Variants in ASRGL1 observed in about 807,000 individuals in gnomAD.
ASRGL1 encodes isoaspartyl peptidase/L-asparaginase.
A neutral mutation model predicts 22.4 loss-of-function variants in ASRGL1; 16 were observed. The ratio of observed to expected loss-of-function variants is 0.71; its 90% CI spans 0.48 to 1.08. The LOEUF is 1.08. ASRGL1 is among the 50% of genes least tolerant of loss of function. ASRGL1 has a pLI of 0.00. For synonymous variants in ASRGL1, 165 were observed against 159.3 expected, an observed-to-expected ratio of 1.04 and a Z score of -0.27; for missense variants, 412 against 410.1, an observed-to-expected ratio of 1.00 and a Z score of -0.04.
chr11:62,356,424 G>T lies in ASRGL1; in HGVS notation c.290G>T (p.Cys97Phe), dbSNP rs567867048. The change falls in exon 3 of 7, where the codon TGT becomes TTT. Residue 97 changes from cysteine to phenylalanine, a missense_variant. By Grantham distance (205) the Cys-to-Phe change is radical. Coordinates refer to ENST00000415229, the MANE Select transcript of ASRGL1 (RefSeq NM_001083926.2). ...GCAGGAGCAGTGTCCGCAGTCCAGT[G>T]TATAGCAAATCCCATTAAACTTGCT... is the stretch of plus-strand genomic sequence containing the variant. ...LSAGAVSAVQCIANPIKLARL... is the reference protein window; with the variant it reads ...LSAGAVSAVQFIANPIKLARL... The T allele has an allele frequency of 6.2e-6, 10 of 1,614,236 alleles. No homozygotes were observed. The highest frequency in any genetic ancestry group is 8.5e-6 in the Non-Finnish European group (10 of 1,180,024).
intron 4 of ASRGL1, chr11:62,372,496 G>C: frequency 8.0e-7 from 1 of 1,245,882 alleles, no homozygotes; most frequent in Middle Eastern, 2.0e-4. Context: ...GAAGTTCATT[G>C]CCCGGGCACA....
chr11:62,372,811 T>A, intron 4 of ASRGL1: 1 of 1,595,062 alleles, frequency 6.3e-7, no homozygotes, highest in Non-Finnish European at 8.6e-7. Context: ...GTCAGTGAAG[T>A]GGGTGGTCTG....
At chr11:62,372,067 A>G (rs1946786763) in intron 4 of ASRGL1, 10 of 758,844 alleles carry the variant, frequency 1.3e-5, no homozygotes, top group Non-Finnish European at 2.4e-5. Flanking sequence ...GGGTGCGGAC[A>G]GTGGTCTCTG....
chr11:62,396,260 T>C (rs1396192249), downstream of ASRGL1, among the ~76,000 whole-genome samples: 1 of 131,050 alleles, frequency 7.6e-6, no homozygotes, highest in Non-Finnish European at 1.6e-5. Flanking sequence ...CAGTGGAGGT[T>C]GGGGGAGGTG....
At chr11:62,378,072 C>T (rs1358052623) in intron 4 of ASRGL1, among the ~76,000 whole-genome samples, 1 of 152,084 alleles carries the variant, frequency 6.6e-6, no homozygotes, top group African/African-American at 2.4e-5. Flanking sequence ...ACAAATTTGA[C>T]GTGACATAAG....
intron 2 of ASRGL1, among the ~76,000 whole-genome samples, chr11:62,354,392 G>GT (rs150028553): frequency 2.6e-5 from 4 of 151,232 alleles, no homozygotes; most frequent in African/African-American, 7.3e-5. Context: ...ATATCGGCTG[G>GT]TTTTTTTTTC....
chr11:62,341,559 A>G (rs1397481857), intron 2 of ASRGL1, among the ~76,000 whole-genome samples: 1 of 152,182 alleles, frequency 6.6e-6, no homozygotes, highest in Non-Finnish European at 1.5e-5. Flanking sequence ...AGAATCAATA[A>G]GGTAAAAATC....
At chr11:62,338,333 A>G (rs1463729967) in intron 2 of ASRGL1, 166 bp downstream of exon 2, 6 of 782,412 alleles carry the variant, frequency 7.7e-6, no homozygotes, top group Non-Finnish European at 1.1e-5. Flanking sequence ...AAAAGAGTCA[A>G]ACGCTAAAAT....
intron 4 of ASRGL1, chr11:62,372,629 C>T: frequency 1.1e-6 from 1 of 901,088 alleles, no homozygotes; most frequent in Non-Finnish European, 1.9e-6. Context: ...GCGCTAACCA[C>T]ATGCTGGTCC....
chr11:62,378,618 G>A (rs1425124517), intron 4 of ASRGL1, among the ~76,000 whole-genome samples: 3 of 152,158 alleles, frequency 2.0e-5, no homozygotes, highest in Non-Finnish European at 4.4e-5. Flanking sequence ...ACCCGGGTTG[G>A]AGAGGCCCCA....
chr11:62,359,750 C>A (rs1290815589), intron 4 of ASRGL1, among the ~76,000 whole-genome samples: 2 of 151,930 alleles, frequency 1.3e-5, no homozygotes, highest in African/African-American at 4.8e-5. Flanking sequence ...TGCTAACTCT[C>A]CGTGTTAGCA....
chr11:62,390,488 C>T (rs1947312260), intron 5 of ASRGL1, among the ~76,000 whole-genome samples: 1 of 152,200 alleles, frequency 6.6e-6, no homozygotes, highest in African/African-American at 2.4e-5. Flanking sequence ...ATGCCTGTGC[C>T]AGGACCACCC....
rs112764478 is a variant in ASRGL1, at chr11:62,360,811, C to T, written c.491+3667C>T. On this transcript the variant is annotated intron_variant, in intron 4 of 6. Coordinates refer to ENST00000415229, the MANE Select transcript of ASRGL1 (RefSeq NM_001083926.2). ...AGAATCACACACAATAAAACACACA[C>T]CCTGTTACAGGAATTGAGGGAAAGA... Among the ~76,000 whole-genome samples the T allele has an allele frequency of 1.0e-2, 1,517 of 152,238 alleles. 29 individuals carry two copies. Among genetic ancestry groups the T allele is most frequent in the African/African-American group, 0.032 (1,326 of 41,530 alleles).
At chr11:62,338,437 CAT>C in intron 2 of ASRGL1, 1 of 393,116 alleles carries the variant, frequency 2.5e-6, no homozygotes, top group Non-Finnish European at 4.5e-6. Flanking sequence ...TCTGGAGAGA[CAT>C]AAGATGTCAA....
chr11:62,399,621 G>A, the ASRGL1 span, among the ~76,000 whole-genome samples: 3,632 of 152,234 alleles, frequency 0.024, 54 homozygotes, highest in Non-Finnish European at 0.038. Context: ...TGCCTGCAGC[G>A]GGCTCAGATG....
chr11:62,382,669 G>GGCTGGGGGACAGTGTCGGGCTGGGGGAC (rs1565173003), intron 4 of ASRGL1: 3 of 151,258 alleles, frequency 2.0e-5, no homozygotes, highest in Non-Finnish European at 2.9e-5. Context: ...GTGGGGTGTC[G>GGCTGGGGGACAGTGTCGGGCTGGGGGAC]GGCTGGGGGA....
rs373150881 is a variant in ASRGL1, at chr11:62,392,288, G to A, written c.*4G>A. ...TACTATCACCGACCTTCCCTAAGCC[G>A]CTGGAAGATTGTATTCCAGATGCTA... On this transcript the variant is annotated 3_prime_UTR_variant, in exon 7 of 7. Transcript: ENST00000415229. 135 of 1,613,084 alleles carry A rather than the reference G, an allele frequency of 8.4e-5. No individual in the cohort carries two copies. In the African/African-American group the frequency reaches 1.4e-3, roughly 16 times the overall value.
At chr11:62,364,339 A>G (rs2134636150) in intron 4 of ASRGL1, among the ~76,000 whole-genome samples, 1 of 152,272 alleles carries the variant, frequency 6.6e-6, no homozygotes, top group Non-Finnish European at 1.5e-5. Context: ...TGGTATACAC[A>G]ATAATAACTA....
At chr11:62,384,214 C>CA (rs532035884) in intron 4 of ASRGL1, among the ~76,000 whole-genome samples, 6 of 151,358 alleles carry the variant, frequency 4.0e-5, no homozygotes, top group South Asian at 2.1e-4. Context: ...GTCTCAAAAA[C>CA]AAAAAAAAGT....
Sources: allele counts gnomAD v4.1 joint callset (sites outside exome capture counted in the v4.1 genomes callset), GRCh38; gene constraint gnomAD v4.1.1; transcripts MANE v1.5; gene names NCBI Gene and HGNC (gene_info 2026-07-23, HGNC 2026-07-21).